Variants in ZNF804A observed in about 807,000 individuals in gnomAD.
ZNF804A encodes zinc finger protein 804A.
Under a neutral mutation model 16.5 loss-of-function variants are expected in ZNF804A, and 2 were observed. The observed-to-expected ratio is 0.12, with a 90% CI of 0.05 to 0.38. The LOEUF is 0.38. Among genes scored for constraint, ZNF804A ranks in the 10% least tolerant of loss-of-function variants. The pLI is 0.99. For synonymous variants in ZNF804A, 534 were observed against 489.6 expected (o/e 1.09, Z -1.20); for missense variants, 1,473 against 1,390.7 (o/e 1.06, Z -0.94).
chr2:184,733,934 TATC>T (rs1158215094), intron 1 of ZNF804A, among the ~76,000 whole-genome samples: 2 of 152,150 alleles, frequency 1.3e-5, no homozygotes, highest in East Asian at 3.9e-4. Flanking sequence ...TCTAGAGACA[TATC>T]ATTTTGTTGA....
chr2:184,823,586 T>C (rs946328374), intron 1 of ZNF804A, among the ~76,000 whole-genome samples: 3 of 152,182 alleles, frequency 2.0e-5, no homozygotes, highest in African/African-American at 7.2e-5. Flanking sequence ...TTGTCAAAAT[T>C]GTCTACAACA....
At chr2:184,849,908 A>G (rs1463716247) in intron 1 of ZNF804A, among the ~76,000 whole-genome samples, 1 of 152,064 alleles carries the variant, frequency 6.6e-6, no homozygotes, top group East Asian at 1.9e-4. Flanking sequence ...AAATCCTGTC[A>G]TTTGAGACAT....
chr2:184,744,621 T>C (rs1693760275), intron 1 of ZNF804A, among the ~76,000 whole-genome samples: 1 of 151,946 alleles, frequency 6.6e-6, no homozygotes, highest in Non-Finnish European at 1.5e-5. Flanking sequence ...ATTTCTTTGT[T>C]TTTTAAGCCA....
intron 1 of ZNF804A, among the ~76,000 whole-genome samples, chr2:184,755,094 T>A (rs1432907807): frequency 6.6e-6 from 1 of 151,890 alleles, no homozygotes; most frequent in African/African-American, 2.4e-5. Context: ...GAGAGCAGAA[T>A]GATCTCAGTG....
intron 1 of ZNF804A, among the ~76,000 whole-genome samples, chr2:184,768,790 A>G (rs1034739946): frequency 1.3e-5 from 2 of 152,092 alleles, no homozygotes; most frequent in East Asian, 1.9e-4. Flanking sequence ...AATTAAGTTT[A>G]TATTTACAAA....
intron 1 of ZNF804A, among the ~76,000 whole-genome samples, chr2:184,711,039 T>A (rs964311392): frequency 6.6e-6 from 1 of 151,936 alleles, no homozygotes; most frequent in Admixed American, 6.6e-5. Flanking sequence ...GATTGTTGGA[T>A]CATATATTAG....
chr2:184,897,796 T>C (rs949372607), intron 2 of ZNF804A, among the ~76,000 whole-genome samples: 11 of 152,114 alleles, frequency 7.2e-5, no homozygotes, highest in African/African-American at 2.7e-4. Context: ...CATACTTCCA[T>C]CATTATAGTT....
chr2:184,672,041 A>C (rs1369346537), intron 1 of ZNF804A, among the ~76,000 whole-genome samples: 1 of 152,182 alleles, frequency 6.6e-6, no homozygotes, highest in Non-Finnish European at 1.5e-5. Flanking sequence ...GGGAAGCTTA[A>C]ATGCTGCACC....
rs116716518 is a variant in ZNF804A, at chr2:184,700,837, C to T, written c.111+101767C>T. 6.5e-4 allele frequency among the ~76,000 whole-genome samples: 99 copies of T among 152,014 alleles called. 1 individual carries two copies. Among genetic ancestry groups the T allele is most frequent in the African/African-American group, 2.3e-3 (96 of 41,510 alleles). ...TTATGTGTGTATTATTTGGAAATGA[C>T]CCTCCATTGTTAAGATGAAAGGGTG... On this transcript the variant is annotated intron_variant, in intron 1 of 3. Transcript: ENST00000302277.
intron 1 of ZNF804A, among the ~76,000 whole-genome samples, chr2:184,698,164 G>T (rs1692863375): frequency 6.6e-6 from 1 of 151,992 alleles, no homozygotes; most frequent in African/African-American, 2.4e-5. Flanking sequence ...TCTTTTAGAA[G>T]TGCTAGAACA....
intron 2 of ZNF804A, among the ~76,000 whole-genome samples, chr2:184,918,612 T>A (rs577550489): frequency 6.6e-6 from 1 of 152,272 alleles, no homozygotes; most frequent in East Asian, 1.9e-4. Context: ...TTGGGGTGGA[T>A]GAGGGTAATC....
Position 184,930,701 on chromosome 2 carries a change from A to G in ZNF804A, c.256-2902A>G, listed in dbSNP as rs188955632. 1.4e-4 allele frequency among the ~76,000 whole-genome samples: 22 copies of G among 152,318 alleles called. 1 individual carries two copies. Among genetic ancestry groups the G allele is most frequent in the African/African-American group, 4.1e-4 (17 of 41,572 alleles). On this transcript the variant is annotated intron_variant, in intron 2 of 3. Coordinates refer to ENST00000302277, the MANE Select transcript of ZNF804A (RefSeq NM_194250.2). ...ACTTTTTAAAATAGATGGAACATTTATAATTTGGAGGATCTAAATCAGTTA... is the reference window on the plus strand; with the variant it reads ...ACTTTTTAAAATAGATGGAACATTTGTAATTTGGAGGATCTAAATCAGTTA...
At chr2:184,857,264 T>C (rs920477370) in intron 1 of ZNF804A, among the ~76,000 whole-genome samples, 1 of 152,166 alleles carries the variant, frequency 6.6e-6, no homozygotes, top group Admixed American at 6.5e-5. Context: ...TGTTGTTTAA[T>C]TTCCATGTAT....
At chr2:184,632,023 T>C (rs1015589372) in intron 1 of ZNF804A, among the ~76,000 whole-genome samples, 1 of 152,150 alleles carries the variant, frequency 6.6e-6, no homozygotes, top group African/African-American at 2.4e-5. Flanking sequence ...ACACTCACTA[T>C]TTGACTTAGA....
At chr2:184,712,772 C>A (rs557174614) in intron 1 of ZNF804A, among the ~76,000 whole-genome samples, 32 of 151,560 alleles carry the variant, frequency 2.1e-4, no homozygotes, top group African/African-American at 7.5e-4. Context: ...CTTTCTGGTT[C>A]TTTCTTCTGA....
At chr2:184,677,434 G>A (rs1008389120) in intron 1 of ZNF804A, among the ~76,000 whole-genome samples, 1 of 151,942 alleles carries the variant, frequency 6.6e-6, no homozygotes, top group African/African-American at 2.4e-5. Flanking sequence ...ATTACCATGA[G>A]TGGTGTAGAC....
At position 184,835,664 on chromosome 2, in the gene ZNF804A, GA is replaced by G. The variant is rs112941339; in HGVS notation, c.112-30693del. ...TAATTCATTTAGCTCAGGAAGGCATGAAAAAAAAAAAACAGAAAAAAGATGA... is the reference window on the plus strand; with the variant it reads ...TAATTCATTTAGCTCAGGAAGGCATGAAAAAAAAAAACAGAAAAAAGATGA... On this transcript the variant is annotated intron_variant, in intron 1 of 3. Coordinates refer to ENST00000302277, the MANE Select transcript of ZNF804A (RefSeq NM_194250.2). 2.8e-3 allele frequency among the ~76,000 whole-genome samples: 391 copies of G among 137,526 alleles called. 3 individuals carry two copies. The highest frequency in any genetic ancestry group is 9.1e-3 in the African/African-American group (321 of 35,212). The allele number at this position is 137,526 out of a possible 152,430, so 90.2% of individuals were successfully genotyped here.
chr2:184,829,929 C>CA lies in ZNF804A; in HGVS notation c.112-36427dup, dbSNP rs1225922566. Among the ~76,000 whole-genome samples, 292 of 72,578 alleles carry CA rather than the reference C, an allele frequency of 4.0e-3. 7 individuals carry two copies. Among genetic ancestry groups the CA allele is most frequent in the African/African-American group, 0.018 (206 of 11,544 alleles). 47.6% of individuals were successfully genotyped at this position (72,578 alleles called of 152,430 possible). ...AAAAAAAAAAAAAAAAAAACAAAAA[C>CA]AAAAAAAAAAAAACCACACACACAC... On this transcript the variant is annotated intron_variant, in intron 1 of 3. Transcript: ENST00000302277.
At chr2:184,748,504 T>C (rs1244079411) in intron 1 of ZNF804A, among the ~76,000 whole-genome samples, 1 of 151,352 alleles carries the variant, frequency 6.6e-6, no homozygotes, top group Non-Finnish European at 1.5e-5. Flanking sequence ...TTTGTTTAAG[T>C]TCCTTTTAGA....
Sources: gnomAD v4.1 joint callset for allele counts (sites outside exome capture counted in the v4.1 genomes callset) on GRCh38, gnomAD v4.1.1 for gene constraint, MANE v1.5 for transcripts, NCBI Gene and HGNC (gene_info 2026-07-23, HGNC 2026-07-21) for gene names.